The following ELMO1 variants were observed in gnomAD, a reference collection of about 807,000 sequenced individuals.
ELMO1 encodes the protein engulfment and cell motility protein 1.
Under a neutral mutation model 98.9 loss-of-function variants are expected in ELMO1, and 26 were observed. That is an observed-to-expected ratio of 0.26 (90% CI 0.19 to 0.36). The LOEUF (loss-of-function observed/expected upper bound fraction) is 0.36, where lower values mean the gene tolerates loss of function less well. ELMO1 is among the 10% of genes least tolerant of loss of function. The probability of loss-of-function intolerance (pLI) is 1.00; values close to 1 mark genes in which losing one functional copy is unlikely to be tolerated. For synonymous variants in ELMO1, 346 were observed against 346.0 expected (o/e 1.00, Z 0.00); for missense variants, 627 against 935.2 (o/e 0.67, Z 4.30).
intron 1 of ELMO1, among the ~76,000 whole-genome samples, chr7:37,391,537 A>G (rs187656764): frequency 7.9e-5 from 12 of 152,350 alleles, no homozygotes; most frequent in Admixed American, 7.2e-4. Context: ...GCCAGTCTAT[A>G]TATGTACTTC....
chr7:37,111,002 T>G (rs1261634821), intron 14 of ELMO1, among the ~76,000 whole-genome samples: 1 of 152,254 alleles, frequency 6.6e-6, no homozygotes, highest in Non-Finnish European at 1.5e-5. Context: ...GACTCTCAGT[T>G]ACTTCATTCT....
In ELMO1 at chr7:37,013,280, T is replaced by C. The variant is rs1233291304; in HGVS notation, c.1437+19A>G. The C allele has an allele frequency of 1.2e-6, 2 of 1,612,308 alleles. No individual in the cohort carries two copies. Among genetic ancestry groups the C allele is most frequent in the Non-Finnish European group, 1.7e-6 (2 of 1,179,218 alleles). On this transcript the variant is annotated intron_variant, in intron 16 of 21. Transcript: ENST00000310758. ...TAGCGCTGCGGGAATCCCCTGCCTC[T>C]ATCCGAGATCCACATTACCTTGTTG...
intron 15 of ELMO1, among the ~76,000 whole-genome samples, chr7:37,018,820 G>T (rs149955379): frequency 6.6e-6 from 1 of 151,866 alleles, no homozygotes; most frequent in Non-Finnish European, 1.5e-5. Flanking sequence ...CTTAGTAAAC[G>T]GTGGCTATTA....
At chr7:36,889,993 T>G (rs1805415043) in intron 17 of ELMO1, among the ~76,000 whole-genome samples, 1 of 152,206 alleles carries the variant, frequency 6.6e-6, no homozygotes, top group Non-Finnish European at 1.5e-5. Context: ...GCCGTAAAAT[T>G]CATACACATT....
chr7:36,960,750 T>C (rs986306935), intron 16 of ELMO1, among the ~76,000 whole-genome samples: 5 of 152,192 alleles, frequency 3.3e-5, no homozygotes, highest in Admixed American at 6.5e-5. Flanking sequence ...AAAATAGTAC[T>C]GTAAAAAGGC....
At chr7:37,068,957 A>G (rs113026055) in intron 15 of ELMO1, among the ~76,000 whole-genome samples, 2 of 152,368 alleles carry the variant, frequency 1.3e-5, no homozygotes, top group African/African-American at 4.8e-5. Context: ...ACAATTCTAC[A>G]TGTGAAATAT....
In ELMO1 at chr7:37,086,377, G is replaced by A. The variant is rs571951013; in HGVS notation, c.1300+10242C>T. 2.7e-5 allele frequency among the ~76,000 whole-genome samples: 4 copies of A among 150,168 alleles called. No individual in the cohort carries two copies. In the South Asian group the frequency reaches 6.3e-4, roughly 24 times the overall value. On this transcript the variant is annotated intron_variant, in intron 15 of 21. Transcript: ENST00000310758. The stretch of plus-strand genomic sequence containing the variant: ...GTGTGTGTGTGTGTGTGAAGAGAAG[G>A]AGAGAAAAAGAGGGTGAATGATAAA...
intron 10 of ELMO1, chr7:37,217,670 A>T (rs893371674): frequency 4.4e-6 from 2 of 456,770 alleles, no homozygotes; most frequent in African/African-American, 4.0e-5. Flanking sequence ...ACAGGAGAGC[A>T]GGGCCCACTT....
intron 13 of ELMO1, among the ~76,000 whole-genome samples, chr7:37,186,457 T>A (rs1406046984): frequency 6.6e-6 from 1 of 152,086 alleles, no homozygotes; most frequent in Non-Finnish European, 1.5e-5. Flanking sequence ...ACAAACTAGA[T>A]ATATATCAAA....
At chr7:36,919,140 C>T (rs1422555689) in intron 16 of ELMO1, among the ~76,000 whole-genome samples, 1 of 152,194 alleles carries the variant, frequency 6.6e-6, no homozygotes, top group Non-Finnish European at 1.5e-5. Context: ...GCTCAATATT[C>T]AAGCAAGTAA....
intron 15 of ELMO1, among the ~76,000 whole-genome samples, chr7:37,038,633 T>G (rs1795325851): frequency 6.6e-6 from 1 of 152,218 alleles, no homozygotes; most frequent in Non-Finnish European, 1.5e-5. Context: ...GCTTAGAGAT[T>G]TTTCTTCCAA....
chr7:37,308,172 A>G (rs1798712327), intron 4 of ELMO1, among the ~76,000 whole-genome samples: 3 of 152,280 alleles, frequency 2.0e-5, no homozygotes, highest in Non-Finnish European at 2.9e-5. Flanking sequence ...TTTCCTCTCC[A>G]TTCAACAGTT....
chr7:36,894,986 C>T lies in ELMO1; in HGVS notation c.1469G>A (p.Arg490Lys). ...GGAGCTAGGCTTGGTTGTAAGTGCT[C>T]TCATAACCTGCTCCTTCACCACCTG... ...VMQVVKEQVMRALTTKPSSLD... is the reference protein window; with the variant it reads ...VMQVVKEQVMKALTTKPSSLD... Residue 490 changes from arginine (R) to lysine (K), a missense_variant, in exon 17 of 22, where the codon AGA (arginine) becomes AAA (lysine). By Grantham distance (26) the Arg-to-Lys change is conservative (BLOSUM62 2). Transcript: ENST00000310758. 1 of 1,613,902 alleles carries T rather than the reference C, an allele frequency of 6.2e-7. No homozygotes were observed. The highest frequency in any genetic ancestry group is 2.2e-5 in the East Asian group (1 of 44,872).
chr7:37,305,692 T>C (rs1365528634), intron 4 of ELMO1, among the ~76,000 whole-genome samples: 1 of 152,230 alleles, frequency 6.6e-6, no homozygotes, highest in Non-Finnish European at 1.5e-5. Context: ...TGTATTCTTA[T>C]CTTACAAAGA....
intron 8 of ELMO1, among the ~76,000 whole-genome samples, chr7:37,232,878 T>C (rs945857394): frequency 2.0e-5 from 3 of 152,238 alleles, no homozygotes; most frequent in African/African-American, 7.2e-5. Flanking sequence ...GTCTGAGCTA[T>C]GGGTGCGCAC....
chr7:37,140,328 G>T (rs1459405745), intron 13 of ELMO1, among the ~76,000 whole-genome samples: 3 of 151,902 alleles, frequency 2.0e-5, no homozygotes, highest in Non-Finnish European at 4.4e-5. Flanking sequence ...AGAGCTTGTA[G>T]TGAGCCGAGA....
At chr7:37,430,504 C>T (rs185742939) in intron 1 of ELMO1, among the ~76,000 whole-genome samples, 26 of 152,318 alleles carry the variant, frequency 1.7e-4, no homozygotes, top group African/African-American at 5.5e-4. Flanking sequence ...CGACCAAAAA[C>T]CAAAATCCAG....
intron 1 of ELMO1, among the ~76,000 whole-genome samples, chr7:37,382,935 A>G (rs1264048390): frequency 6.6e-6 from 1 of 152,206 alleles, no homozygotes; most frequent in Non-Finnish European, 1.5e-5. Flanking sequence ...CTAGGAGGGT[A>G]GAGACAACAG....
At chr7:37,403,460 A>C (rs975939631) in intron 1 of ELMO1, among the ~76,000 whole-genome samples, 3 of 152,166 alleles carry the variant, frequency 2.0e-5, no homozygotes, top group Middle Eastern at 3.2e-3. Context: ...GCATAGGTGA[A>C]GCATCGTGGA....
Sources: allele counts gnomAD v4.1 joint callset (sites outside exome capture counted in the v4.1 genomes callset), GRCh38; gene constraint gnomAD v4.1.1; transcripts MANE v1.5; gene names NCBI Gene and HGNC (gene_info 2026-07-23, HGNC 2026-07-21).